PCDH9: variants seen among roughly 807,000 people sequenced by gnomAD.
PCDH9 encodes protocadherin 9, also known as protocadherin-9.
PCDH9 carries 24 observed loss-of-function variants against 70.6 expected under a neutral mutation model. The observed-to-expected ratio is 0.34, with a 90% confidence interval of 0.25 to 0.48. PCDH9 has a LOEUF of 0.48. PCDH9 is among the 20% of genes least tolerant of loss of function. The pLI, the probability that PCDH9 is intolerant of heterozygous loss-of-function variation, is 0.99. For missense variants in PCDH9, 1,281 were observed against 1,503.6 expected (o/e 0.85, Z 2.45); for synonymous variants, 562 against 558.5 (o/e 1.01, Z -0.09).
At chr13:66,670,323 C>T (rs894809932) in intron 3 of PCDH9, among the ~76,000 whole-genome samples, 2 of 152,136 alleles carry the variant, frequency 1.3e-5, no homozygotes, top group East Asian at 3.9e-4. Context: ...ACTTTGGTAA[C>T]CCTAATAGAA....
chr13:66,337,017 T>C (rs1956048434), intron 4 of PCDH9, among the ~76,000 whole-genome samples: 1 of 152,030 alleles, frequency 6.6e-6, no homozygotes, highest in African/African-American at 2.4e-5. Flanking sequence ...TAATTTTTTT[T>C]CTTTCCCTTA....
intron 3 of PCDH9, among the ~76,000 whole-genome samples, chr13:66,819,852 T>C (rs1337721833): frequency 5.9e-5 from 9 of 152,114 alleles, no homozygotes; most frequent in Non-Finnish European, 1.2e-4. Flanking sequence ...GCAGTGATAA[T>C]GCCACTGCAC....
chr13:66,824,667 T>TAC (rs1446349765), intron 3 of PCDH9, among the ~76,000 whole-genome samples: 1 of 48,838 alleles, frequency 2.0e-5, no homozygotes, highest in Non-Finnish European at 5.2e-5. Context: ...TATATATATA[T>TAC]ATATATATAT....
chr13:66,390,772 C>T (rs1384438834), intron 4 of PCDH9, among the ~76,000 whole-genome samples: 1 of 151,438 alleles, frequency 6.6e-6, no homozygotes, highest in Non-Finnish European at 1.5e-5. Context: ...ATCCCACCTA[C>T]AACATTGCCT....
intron 2 of PCDH9, among the ~76,000 whole-genome samples, chr13:66,939,446 G>GTGTGTGTGTGTGTA (rs2082972032): frequency 6.6e-6 from 1 of 151,728 alleles, no homozygotes; most frequent in Non-Finnish European, 1.5e-5. Context: ...GTGTGTGTGT[G>GTGTGTGTGTGTGTA]TGTGTGTGTG....
chr13:66,728,209 G>C (rs1487724115), intron 3 of PCDH9, among the ~76,000 whole-genome samples: 1 of 152,024 alleles, frequency 6.6e-6, no homozygotes, highest in Admixed American at 6.6e-5. Flanking sequence ...CACTACTTCA[G>C]TTATGCTGTT....
chr13:66,842,946 A>T (rs1474006386), intron 3 of PCDH9, among the ~76,000 whole-genome samples: 1 of 152,238 alleles, frequency 6.6e-6, no homozygotes, highest in Non-Finnish European at 1.5e-5. Flanking sequence ...AAACCACGAA[A>T]GAAGGGCTCT....
Position 66,332,676 on chromosome 13 carries a change from G to C in PCDH9, c.3341-27648C>G, listed in dbSNP as rs113635428. Among the ~76,000 whole-genome samples the C allele has an allele frequency of 2.6e-3, 402 of 152,062 alleles. 2 individuals carry two copies. Among genetic ancestry groups the C allele is most frequent in the African/African-American group, 9.3e-3 (384 of 41,502 alleles). ...CTCAGAGGAGGGGTGGTCACAGAAA[G>C]CTTCCTAGGAGAGATGACTCCTGGG... On this transcript the variant is annotated intron_variant, in intron 4 of 4. Transcript: ENST00000377865.
chr13:67,039,138 G>A (rs1477697732), intron 2 of PCDH9, among the ~76,000 whole-genome samples: 3 of 152,116 alleles, frequency 2.0e-5, no homozygotes, highest in Non-Finnish European at 4.4e-5. Flanking sequence ...CTCTTATATT[G>A]GAGATCCTTC....
intron 2 of PCDH9, among the ~76,000 whole-genome samples, chr13:66,937,056 G>A (rs924200532): frequency 6.6e-6 from 1 of 152,068 alleles, no homozygotes; most frequent in African/African-American, 2.4e-5. Flanking sequence ...CATGATCATC[G>A]TTATGGTTCT....
intron 2 of PCDH9, among the ~76,000 whole-genome samples, chr13:67,007,921 T>C (rs1231159124): frequency 2.0e-5 from 3 of 152,150 alleles, no homozygotes; most frequent in African/African-American, 7.2e-5. Context: ...AACTGGTACA[T>C]GGAAAATGCT....
intron 2 of PCDH9, among the ~76,000 whole-genome samples, chr13:67,047,582 C>T (rs1053058218): frequency 2.0e-5 from 3 of 152,074 alleles, no homozygotes; most frequent in African/African-American, 7.2e-5. Flanking sequence ...TTTGGGTTTG[C>T]GGTTTCACCA....
At chr13:66,990,806 A>T (rs968372903) in intron 2 of PCDH9, 4 of 151,770 alleles carry the variant, frequency 2.6e-5, no homozygotes, top group Non-Finnish European at 5.9e-5. Flanking sequence ...TCCAGCAGAT[A>T]ATCAATATAT....
In PCDH9 at chr13:66,632,618, G is replaced by A. The variant is rs148643243; in HGVS notation, c.3139-1207C>T. 4.2e-3 allele frequency among the ~76,000 whole-genome samples: 635 copies of A among 152,214 alleles called. 19 individuals carry two copies. In the East Asian group the frequency reaches 0.08, roughly 19 times the overall value. Reference sequence around the variant, plus strand: ...CTCATAAAAAATAATACATTTTAATGTTTCCTCAGCACAGATTGGTTTAGT... The same window carrying A: ...CTCATAAAAAATAATACATTTTAATATTTCCTCAGCACAGATTGGTTTAGT... On this transcript the variant is annotated intron_variant, in intron 3 of 4. Transcript: ENST00000377865.
At chr13:66,806,380 T>A (rs2080410311) in intron 3 of PCDH9, among the ~76,000 whole-genome samples, 1 of 152,118 alleles carries the variant, frequency 6.6e-6, no homozygotes, top group South Asian at 2.1e-4. Context: ...ATATATACAA[T>A]CATCTCTTGC....
intron 3 of PCDH9, among the ~76,000 whole-genome samples, chr13:66,696,890 C>T (rs2078570978): frequency 6.7e-6 from 1 of 149,898 alleles, no homozygotes; most frequent in Non-Finnish European, 1.5e-5. Context: ...TGCTTGAGTC[C>T]AGGAGTTCAA....
chr13:66,804,290 C>T (rs763338092), intron 3 of PCDH9, among the ~76,000 whole-genome samples: 1 of 152,098 alleles, frequency 6.6e-6, no homozygotes, highest in Non-Finnish European at 1.5e-5. Flanking sequence ...TACTGAATCA[C>T]CAATAATTAG....
Position 66,457,928 on chromosome 13 carries a change from C to T in PCDH9, c.3341-152900G>A, listed in dbSNP as rs190761515. On this transcript the variant is annotated intron_variant, in intron 4 of 4. Coordinates refer to ENST00000377865, the MANE Select transcript of PCDH9 (RefSeq NM_203487.3). ...AATCCCTTAAATCGTTTCATTCATC[C>T]TGCTCTCAGGTTTGCTGTCTGTTGT... Among the ~76,000 whole-genome samples the T allele has an allele frequency of 3.9e-5, 6 of 152,038 alleles. No individual in the cohort carries two copies. In the East Asian group the frequency reaches 1.2e-3, roughly 29 times the overall value.
At chr13:66,931,783 T>G (rs1045460459) in intron 2 of PCDH9, among the ~76,000 whole-genome samples, 6 of 152,134 alleles carry the variant, frequency 3.9e-5, no homozygotes, top group Admixed American at 3.3e-4. Context: ...TTAATATTAT[T>G]AATCATTTCA....
Sources: allele counts gnomAD v4.1 joint callset (sites outside exome capture counted in the v4.1 genomes callset), GRCh38; gene constraint gnomAD v4.1.1; transcripts MANE v1.5; gene names NCBI Gene and HGNC (gene_info 2026-07-23, HGNC 2026-07-21).